The following PDCD11 variants were observed in gnomAD, a reference collection of about 807,000 sequenced individuals.
PDCD11 encodes protein RRP5 homolog.
In PDCD11, 97 loss-of-function variants were observed where a neutral mutation model predicts 198.9. The ratio of observed to expected loss-of-function variants is 0.49; its 90% CI spans 0.41 to 0.58. The LOEUF (loss-of-function observed/expected upper bound fraction) is 0.58. PDCD11 is among the 20% of genes least tolerant of loss of function. The pLI is 0.00. For missense variants in PDCD11, 2,102 were observed against 2,312.7 expected, an observed-to-expected ratio of 0.91 and a Z score of 1.87; for synonymous variants, 893 against 918.0, an observed-to-expected ratio of 0.97 and a Z score of 0.49.
rs184972914 is a variant in PDCD11, at chr10:103,404,260, A to G, written c.403-762A>G. Reference sequence around the variant, plus strand: ...CGCCTCGGCCTCCCAGAGTGTTGGGATTATAGGTGTGAGCCATCATGCCTG... The same window carrying G: ...CGCCTCGGCCTCCCAGAGTGTTGGGGTTATAGGTGTGAGCCATCATGCCTG... On this transcript the variant is annotated intron_variant, in intron 4 of 35. Coordinates refer to ENST00000369797, the MANE Select transcript of PDCD11 (RefSeq NM_014976.2). Among the ~76,000 whole-genome samples, 469 of 150,646 alleles carry G rather than the reference A, an allele frequency of 3.1e-3. 1 individual carries two copies. Among genetic ancestry groups the G allele is most frequent in the Non-Finnish European group, 5.2e-3 (351 of 67,800 alleles).
chr10:103,428,491 C>A (rs566592429), intron 21 of PDCD11, among the ~76,000 whole-genome samples: 8 of 152,014 alleles, frequency 5.3e-5, no homozygotes, highest in Non-Finnish European at 5.9e-5. Context: ...TGTATTTATC[C>A]TCCAGTCTTT....
At chr10:103,429,878 T>A (rs2031856795) in intron 21 of PDCD11, among the ~76,000 whole-genome samples, 1 of 152,248 alleles carries the variant, frequency 6.6e-6, no homozygotes, top group African/African-American at 2.4e-5. Flanking sequence ...CTCACTCATA[T>A]AAATGGAACA....
chr10:103,435,152 A>G (rs1414743688), intron 25 of PDCD11, among the ~76,000 whole-genome samples, 177 bp downstream of exon 25: 1 of 152,098 alleles, frequency 6.6e-6, no homozygotes, highest in Non-Finnish European at 1.5e-5. Context: ...TTTGATTTCT[A>G]TCTTTCTAGA....
intron 19 of PDCD11, among the ~76,000 whole-genome samples, chr10:103,424,769 A>G (rs1214248816): frequency 2.0e-5 from 3 of 152,220 alleles, no homozygotes; most frequent in Non-Finnish European, 4.4e-5. Flanking sequence ...AACCAAGCCA[A>G]GGTAATTCAG....
At chr10:103,418,985 C>T (rs1592125740) in intron 15 of PDCD11, among the ~76,000 whole-genome samples, 1 of 147,612 alleles carries the variant, frequency 6.8e-6, no homozygotes, top group Non-Finnish European at 1.5e-5. Flanking sequence ...CCCCTTTCCT[C>T]TTTTTTTTTT....
Position 103,425,015 on chromosome 10 carries a change from T to G in PDCD11, c.2795T>G (p.Val932Gly). ...LRKGSEHQAI[V>G]QHLEKSFAIA... ...AAAGGCAGCGAACACCAGGCGATTG[T>G]GCAGCACTTGGAGAAGTCCTTTGCC... Residue 932 changes from valine to glycine, a missense_variant, in exon 20 of 36, where the codon GTG becomes GGG. Coordinates refer to ENST00000369797, the MANE Select transcript of PDCD11 (RefSeq NM_014976.2). 1 of 1,614,230 alleles carries G rather than the reference T, an allele frequency of 6.2e-7. No individual in the cohort carries two copies. The highest frequency in any genetic ancestry group is 8.5e-7 in the Non-Finnish European group (1 of 1,180,040).
At chr10:103,440,179 T>TA in intron 28 of PDCD11, 111 bp from the exon 29 acceptor site, 11 of 1,470,486 alleles carry the variant, frequency 7.5e-6, no homozygotes, top group Middle Eastern at 1.9e-4. Flanking sequence ...CCAAGGCAGA[T>TA]GGGGGCAGGG....
At chr10:103,445,208 C>G (rs2032553736) in intron 35 of PDCD11, among the ~76,000 whole-genome samples, 170 bp from the exon 36 acceptor site, 1 of 152,146 alleles carries the variant, frequency 6.6e-6, no homozygotes, top group Non-Finnish European at 1.5e-5. Flanking sequence ...GTGCCTCTCC[C>G]CAAGGCATCA....
Position 103,413,918 on chromosome 10 carries a change from T to C in PDCD11, c.1186-48T>C. ...CTATGGGCTGTAAGGTCTCATTGGC[T>C]CAGACCTGTTGTCCCTGGCTTATCC... On this transcript the variant is annotated intron_variant, in intron 9 of 35. Transcript: ENST00000369797. 3 of 1,555,812 alleles carry C rather than the reference T, an allele frequency of 1.9e-6. No homozygotes were observed. In the South Asian group the frequency reaches 3.7e-5, roughly 19 times the overall value.
At position 103,413,348 on chromosome 10, in the gene PDCD11, G is replaced by C. The variant is rs758271161; in HGVS notation, c.1185+26G>C. 1.6e-5 allele frequency: 25 copies of C among 1,587,722 alleles called. 1 individual carries two copies. In the East Asian group the frequency reaches 5.6e-4, roughly 35 times the overall value. On this transcript the variant is annotated intron_variant, in intron 9 of 35. Transcript: ENST00000369797. The stretch of plus-strand genomic sequence containing the variant: ...GTAAGGAGGCCTCTTTGTTTGGTCA[G>C]GGATCTTATCACTGGAAGGACTTCT...
At chr10:103,431,416 C>T (rs1181506993) in intron 21 of PDCD11, among the ~76,000 whole-genome samples, 1 of 151,836 alleles carries the variant, frequency 6.6e-6, no homozygotes. Context: ...CATGGTGAAA[C>T]CTTGTCTCTA....
intron 8 of PDCD11, among the ~76,000 whole-genome samples, chr10:103,410,736 T>C (rs559924208): frequency 6.6e-6 from 1 of 150,786 alleles, no homozygotes; most frequent in South Asian, 2.1e-4. Flanking sequence ...GTCCTCAGAG[T>C]AGCTAGGACC....
At position 103,427,326 on chromosome 10, in the gene PDCD11, C is replaced by G. The variant is rs762475234; in HGVS notation, c.3306-3C>G. On this transcript the variant is annotated splice_region_variant and splice_polypyrimidine_tract_variant and intron_variant, in intron 20 of 35. Coordinates refer to ENST00000369797, the MANE Select transcript of PDCD11 (RefSeq NM_014976.2). ...AAATGATTCAGCTTATTTGTTTCTC[C>G]AGGTATCTCCCAATAAGTCACCCCA... 4 of 1,612,356 alleles carry G rather than the reference C, an allele frequency of 2.5e-6. No homozygotes were observed. The East Asian group carries it at 8.9e-5, about 36-fold the overall frequency.
chr10:103,423,574 G>A lies in PDCD11; in HGVS notation c.2679G>A (p.Lys893=). 6 of 1,614,046 alleles carry A rather than the reference G, an allele frequency of 3.7e-6. No individual in the cohort carries two copies. Among genetic ancestry groups the A allele is most frequent in the African/African-American group, 1.3e-5 (1 of 75,058 alleles). The part of the protein sequence containing the change: ...GQEVESGQKK[K]VVILNVDLLK... ...AGGTGGAATCTGGGCAGAAAAAGAA[G>A]GTTGTTATCTTAAATGTTGATCTTT... Residue 893 remains lysine, a synonymous_variant, in exon 19 of 36, where the codon AAG becomes AAA. Transcript: ENST00000369797.
intron 1 of PDCD11, among the ~76,000 whole-genome samples, chr10:103,397,211 C>CT (rs11316851): frequency 0.031 from 3,818 of 124,772 alleles, 152 homozygotes; most frequent in African/African-American, 0.086. Flanking sequence ...CATTTGAATC[C>CT]TTTTTTTTTT....
chr10:103,418,424 T>C lies in PDCD11; in HGVS notation c.1912-16T>C, dbSNP rs780556559. On this transcript the variant is annotated splice_polypyrimidine_tract_variant and intron_variant, in intron 14 of 35. Coordinates refer to ENST00000369797, the MANE Select transcript of PDCD11 (RefSeq NM_014976.2). ...TCATGACAAGTGCTATTTTTGTCTT[T>C]CTCTTCCCTGGGTAGTTGGTAGATG... 3.7e-6 allele frequency: 6 copies of C among 1,606,810 alleles called. No homozygotes were observed. In the East Asian group the frequency reaches 1.3e-4, roughly 36 times the overall value.
At chr10:103,399,128 T>C (rs1308029870) in intron 2 of PDCD11, among the ~76,000 whole-genome samples, 3 of 151,284 alleles carry the variant, frequency 2.0e-5, no homozygotes, top group Non-Finnish European at 4.4e-5. Context: ...TTTTTTTTTT[T>C]TGAGACGAAG....
At chr10:103,414,934 T>C (rs2031018546) in intron 11 of PDCD11, 71 bp from the exon 12 acceptor site, 12 of 1,554,122 alleles carry the variant, frequency 7.7e-6, no homozygotes, top group Non-Finnish European at 8.0e-6. Context: ...AGGTATGACA[T>C]GCCTTGTTGT....
At chr10:103,431,998 C>CAA (rs80307802) in intron 21 of PDCD11, 131 bp from the exon 22 acceptor site, 238,198 of 647,636 alleles carry the variant, frequency 0.37, 45,497 homozygotes, top group South Asian at 0.49. Flanking sequence ...AGGAGAGAAA[C>CAA]GGCCTTGGAG....
Sources: allele counts gnomAD v4.1 joint callset (sites outside exome capture counted in the v4.1 genomes callset), GRCh38; gene constraint gnomAD v4.1.1; transcripts MANE v1.5; gene names NCBI Gene and HGNC (gene_info 2026-07-23, HGNC 2026-07-21).